The following SRPK2 variants were observed in gnomAD, a reference collection of about 807,000 sequenced individuals.
SRPK2 encodes SRSF protein kinase 2.
A neutral mutation model predicts 90.8 loss-of-function variants in SRPK2; 21 were observed. The observed-to-expected ratio is 0.23, with a 90% CI of 0.16 to 0.33. SRPK2 has a LOEUF of 0.33. SRPK2 is among the 10% of genes least tolerant of loss of function. The pLI is 1.00. For missense variants in SRPK2, 620 were observed against 869.0 expected (o/e 0.71, Z 3.60); for synonymous variants, 288 against 311.1 (o/e 0.93, Z 0.78).
chr7:105,173,305 G>A (rs572713394), intron 3 of SRPK2, among the ~76,000 whole-genome samples: 5 of 152,112 alleles, frequency 3.3e-5, no homozygotes, highest in East Asian at 1.9e-4. Flanking sequence ...AAAGTATAAC[G>A]CACTTAACTT....
intron 2 of SRPK2, among the ~76,000 whole-genome samples, chr7:105,308,422 C>A (rs1465635389): frequency 6.6e-6 from 1 of 152,074 alleles, no homozygotes; most frequent in East Asian, 1.9e-4. Context: ...AATTGGAAAG[C>A]CCTGTATATT....
At chr7:105,232,468 A>T (rs75999185) in intron 2 of SRPK2, among the ~76,000 whole-genome samples, 4 of 6,912 alleles carry the variant, frequency 5.8e-4, no homozygotes, top group Non-Finnish European at 1.5e-3. Flanking sequence ...TAAAAAAAAA[A>T]AAAAAAAAAA....
Position 105,233,060 on chromosome 7 carries a change from GAGCA to G in SRPK2, c.72-29279_72-29276del, listed in dbSNP as rs200855079. Among the ~76,000 whole-genome samples the G allele has an allele frequency of 9.2e-3, 1,320 of 143,584 alleles. 19 individuals carry two copies. The highest frequency in any genetic ancestry group is 0.032 in the African/African-American group (1,243 of 38,584). The allele number at this position is 143,584 out of a possible 152,430, so 94.2% of individuals were successfully genotyped here. On this transcript the variant is annotated intron_variant, in intron 2 of 15. Coordinates refer to ENST00000393651, the MANE Select transcript of SRPK2 (RefSeq NM_182692.3). Reference sequence around the variant, plus strand: ...GAGAGAAGAGAGGGAGAGAGGGAGGGAGCAAGGAAGGAAGGAAGGAAAGGAAGGA... The same window carrying G: ...GAGAGAAGAGAGGGAGAGAGGGAGGGAGGAAGGAAGGAAGGAAAGGAAGGA...
intron 2 of SRPK2, among the ~76,000 whole-genome samples, chr7:105,320,935 A>C (rs965332880): frequency 3.3e-5 from 5 of 152,048 alleles, no homozygotes; most frequent in African/African-American, 9.7e-5. Context: ...GGCCCATGCA[A>C]TCCCTCTGCC....
chr7:105,199,159 T>C (rs566830355), intron 3 of SRPK2, among the ~76,000 whole-genome samples: 1 of 152,344 alleles, frequency 6.6e-6, no homozygotes, highest in African/African-American at 2.4e-5. Flanking sequence ...TAGCTGATCA[T>C]AAATGATGAA....
chr7:105,244,739 C>T (rs867361645), intron 2 of SRPK2: 3 of 1,107,780 alleles, frequency 2.7e-6, no homozygotes, highest in South Asian at 2.5e-5. Flanking sequence ...CAGCCGCCGC[C>T]GCGGGCGTCT....
At chr7:105,329,997 G>A (rs895222811) in intron 2 of SRPK2, among the ~76,000 whole-genome samples, 3 of 151,726 alleles carry the variant, frequency 2.0e-5, no homozygotes, top group Admixed American at 2.0e-4. Flanking sequence ...ATCACGTCCC[G>A]GCACTCCAAC....
At chr7:105,133,189 C>A (rs1212384130) in intron 11 of SRPK2, 85 bp from the exon 12 acceptor site, 2 of 1,264,944 alleles carry the variant, frequency 1.6e-6, no homozygotes, top group Non-Finnish European at 2.3e-6. Flanking sequence ...GGTCAGTCTC[C>A]TTTCCTCAAG....
At chr7:105,396,856 G>C (rs1368583869) in intron 1 of SRPK2, among the ~76,000 whole-genome samples, 1 of 149,080 alleles carries the variant, frequency 6.7e-6, no homozygotes, top group Non-Finnish European at 1.5e-5. Context: ...GAGGGAGGGA[G>C]GAAGGGAGGA....
intron 2 of SRPK2, among the ~76,000 whole-genome samples, chr7:105,232,322 G>A (rs868007591): frequency 4.6e-5 from 7 of 152,200 alleles, no homozygotes; most frequent in Middle Eastern, 6.8e-3. Context: ...AGCCAGGCAT[G>A]GTGGCACATG....
chr7:105,194,803 T>C (rs893615933), intron 3 of SRPK2, among the ~76,000 whole-genome samples: 1 of 152,102 alleles, frequency 6.6e-6, no homozygotes, highest in East Asian at 1.9e-4. Flanking sequence ...TACAAAGCTA[T>C]AGTAACCAGA....
At chr7:105,352,538 C>T (rs916149934) in intron 2 of SRPK2, among the ~76,000 whole-genome samples, 2 of 152,228 alleles carry the variant, frequency 1.3e-5, no homozygotes, top group African/African-American at 4.8e-5. Context: ...CCCACAGAAA[C>T]TAAGATGATA....
chr7:105,376,210 G>A lies in SRPK2; in HGVS notation c.71+12438C>T, dbSNP rs138724368. On this transcript the variant is annotated intron_variant, in intron 2 of 15. Transcript: ENST00000393651. ...GACAGGGTTTCACCATGTTAGCCAG[G>A]ATGGTCTCTATCTCCTGACCTTGTG... Among the ~76,000 whole-genome samples the A allele has an allele frequency of 4.6e-3, 697 of 151,684 alleles. 5 individuals carry two copies. The highest frequency in any genetic ancestry group is 0.016 in the African/African-American group (666 of 41,394).
At chr7:105,231,238 T>C (rs1418647572) in intron 2 of SRPK2, among the ~76,000 whole-genome samples, 1 of 152,212 alleles carries the variant, frequency 6.6e-6, no homozygotes, top group East Asian at 1.9e-4. Context: ...TCCAGGTCTA[T>C]CCATGTTCCC....
intron 2 of SRPK2, among the ~76,000 whole-genome samples, chr7:105,310,811 G>A (rs181654994): frequency 1.8e-4 from 27 of 152,080 alleles, no homozygotes; most frequent in Admixed American, 1.0e-3. Context: ...TTTGATCCTA[G>A]TTTTTGGCAT....
chr7:105,249,995 G>T (rs1420539958), intron 2 of SRPK2, among the ~76,000 whole-genome samples: 1 of 152,106 alleles, frequency 6.6e-6, no homozygotes, highest in Non-Finnish European at 1.5e-5. Flanking sequence ...CTCAAAGCAT[G>T]ACCATTTCAC....
At chr7:105,378,884 G>C (rs1284115804) in intron 2 of SRPK2, among the ~76,000 whole-genome samples, 2 of 152,050 alleles carry the variant, frequency 1.3e-5, no homozygotes, top group South Asian at 4.1e-4. Context: ...GCCAAGTGTG[G>C]GCAAAAATGT....
At chr7:105,125,974 C>A in intron 15 of SRPK2, 1 of 698,598 alleles carries the variant, frequency 1.4e-6, no homozygotes. Flanking sequence ...AGAAACAGAG[C>A]GCAACTTGAA....
In SRPK2 at chr7:105,169,141, G is replaced by A. The variant is rs768808741; in HGVS notation, c.338+16C>T. ...TACTCCAGGAAACAAATGCACAAAT[G>A]ACAAAGAACACTTACTGCATATCCC... On this transcript the variant is annotated intron_variant, in intron 4 of 15. Transcript: ENST00000393651. 16 of 1,601,268 alleles carry A rather than the reference G, an allele frequency of 1.0e-5. No homozygotes were observed. In the East Asian group the frequency reaches 3.6e-4, roughly 36 times the overall value.
Sources: allele counts gnomAD v4.1 joint callset (sites outside exome capture counted in the v4.1 genomes callset), GRCh38; gene constraint gnomAD v4.1.1; transcripts MANE v1.5; gene names NCBI Gene and HGNC (gene_info 2026-07-23, HGNC 2026-07-21).